Variants in TRHDE observed in about 807,000 individuals in gnomAD.
TRHDE encodes the protein thyrotropin-releasing hormone-degrading ectoenzyme.
A neutral mutation model predicts 125.7 loss-of-function variants in TRHDE; 72 were observed. The observed-to-expected ratio is 0.57, with a 90% CI of 0.47 to 0.70. The LOEUF (loss-of-function observed/expected upper bound fraction) is 0.70, where lower values mean the gene tolerates loss of function less well. Ranked by LOEUF, TRHDE falls within the 30% of genes least tolerant of loss-of-function variation. The probability of loss-of-function intolerance (pLI) is 0.00; values close to 1 mark genes in which losing one functional copy is unlikely to be tolerated. For missense variants in TRHDE, 1,110 were observed against 1,327.1 expected, an observed-to-expected ratio of 0.84 and a Z score of 2.54; for synonymous variants, 509 against 509.1, an observed-to-expected ratio of 1.00 and a Z score of 0.00.
At chr12:72,634,817 C>A (rs1246783487) in intron 15 of TRHDE, among the ~76,000 whole-genome samples, 29 of 151,708 alleles carry the variant, frequency 1.9e-4, no homozygotes, top group East Asian at 1.4e-3. Flanking sequence ...CATGTCCCTA[C>A]AAAGGACATG....
chr12:72,409,935 G>A (rs373070533), intron 3 of TRHDE, among the ~76,000 whole-genome samples: 17 of 152,012 alleles, frequency 1.1e-4, no homozygotes, highest in African/African-American at 3.6e-4. Flanking sequence ...GAATAGGGCA[G>A]CAATTAAAAT....
Position 72,469,753 on chromosome 12 carries a change from T to C in TRHDE, c.1316-5T>C. On this transcript the variant is annotated splice_polypyrimidine_tract_variant and splice_region_variant and intron_variant, in intron 3 of 18. Transcript: ENST00000261180. The stretch of plus-strand genomic sequence containing the variant: ...GCCTTTGGAACTGTTTTATTTTATT[T>C]CTAGATCTTTTAGCTGTGCCTAAGC... 2 of 1,613,378 alleles carry C rather than the reference T, an allele frequency of 1.2e-6. No individual in the cohort carries two copies. The highest frequency in any genetic ancestry group is 1.7e-6 in the Non-Finnish European group (2 of 1,179,792).
At chr12:72,560,348 C>T (rs901008305) in intron 7 of TRHDE, among the ~76,000 whole-genome samples, 2 of 152,140 alleles carry the variant, frequency 1.3e-5, no homozygotes, top group African/African-American at 4.8e-5. Flanking sequence ...GATACTAGGA[C>T]AAGGTCAACT....
intron 2 of TRHDE, among the ~76,000 whole-genome samples, chr12:72,346,437 T>C (rs1450705548): frequency 6.6e-6 from 1 of 151,672 alleles, no homozygotes; most frequent in African/African-American, 2.4e-5. Flanking sequence ...TTTGCCAACA[T>C]AGAGCTGTTG....
intron 2 of TRHDE, among the ~76,000 whole-genome samples, chr12:72,216,944 T>C (rs1421900127): frequency 6.8e-6 from 1 of 147,884 alleles, no homozygotes; most frequent in East Asian, 2.0e-4. Context: ...ATTTTGTGTC[T>C]GAATGGATTT....
intron 2 of TRHDE, 54 bp downstream of exon 2, chr12:72,287,008 A>C (rs779335801): frequency 9.0e-6 from 14 of 1,556,756 alleles, no homozygotes; most frequent in Non-Finnish European, 1.1e-5. Flanking sequence ...CTGTAAAGTA[A>C]CCTGATTTCT....
At chr12:72,226,853 TA>T (rs1207862133) in intron 2 of TRHDE, among the ~76,000 whole-genome samples, 7 of 152,176 alleles carry the variant, frequency 4.6e-5, no homozygotes, top group Non-Finnish European at 7.4e-5. Flanking sequence ...AGAGGATAAT[TA>T]GCTGAAAAGA....
intron 2 of TRHDE, among the ~76,000 whole-genome samples, chr12:72,147,220 G>A (rs1229119974): frequency 6.6e-6 from 1 of 151,938 alleles, no homozygotes; most frequent in Non-Finnish European, 1.5e-5. Flanking sequence ...GAGGGTGGGG[G>A]GCCTTTGCTG....
intron 12 of TRHDE, among the ~76,000 whole-genome samples, chr12:72,609,018 T>C (rs1872547968): frequency 6.6e-6 from 1 of 152,170 alleles, no homozygotes; most frequent in Admixed American, 6.5e-5. Context: ...TTTAGTCACA[T>C]AGTGTATGCA....
intron 2 of TRHDE, among the ~76,000 whole-genome samples, chr12:72,194,900 C>T (rs1284386444): frequency 1.3e-5 from 2 of 152,010 alleles, no homozygotes; most frequent in Non-Finnish European, 2.9e-5. Flanking sequence ...AATGGCATTA[C>T]TAGGTGTATT....
chr12:72,296,862 T>C (rs1253389887), intron 2 of TRHDE, among the ~76,000 whole-genome samples: 3 of 152,202 alleles, frequency 2.0e-5, no homozygotes, highest in Non-Finnish European at 4.4e-5. Context: ...GATGTAGTGA[T>C]TGTAGACTGT....
intron 5 of TRHDE, among the ~76,000 whole-genome samples, chr12:72,496,005 G>C (rs1355315826): frequency 6.6e-6 from 1 of 152,164 alleles, no homozygotes; most frequent in African/African-American, 2.4e-5. Flanking sequence ...TATGGTTACT[G>C]TTGACATTGA....
At chr12:72,151,196 T>C (rs1172307493) in intron 2 of TRHDE, among the ~76,000 whole-genome samples, 1 of 152,234 alleles carries the variant, frequency 6.6e-6, no homozygotes, top group Non-Finnish European at 1.5e-5. Flanking sequence ...ATAAATGTCT[T>C]CTTTTGAGAA....
intron 3 of TRHDE, among the ~76,000 whole-genome samples, chr12:72,439,724 G>T (rs1874912030): frequency 6.6e-6 from 1 of 151,646 alleles, no homozygotes; most frequent in Non-Finnish European, 1.5e-5. Flanking sequence ...TTCCTATTTA[G>T]ATGCATTTTC....
intron 2 of TRHDE, among the ~76,000 whole-genome samples, chr12:72,350,353 T>C (rs1312123964): frequency 1.3e-5 from 2 of 152,020 alleles, no homozygotes; most frequent in Non-Finnish European, 2.9e-5. Context: ...ATGGCGATGA[T>C]AGCTCCCACA....
chr12:72,649,478 A>G (rs917287391), intron 15 of TRHDE, among the ~76,000 whole-genome samples: 2 of 152,076 alleles, frequency 1.3e-5, no homozygotes, highest in African/African-American at 4.8e-5. Flanking sequence ...ACTTCATGAC[A>G]TTGGTCTTGG....
intron 2 of TRHDE, among the ~76,000 whole-genome samples, chr12:72,162,491 C>A (rs1448327032): frequency 4.6e-5 from 7 of 152,172 alleles, no homozygotes; most frequent in Admixed American, 1.3e-4. Context: ...TATTATCTTC[C>A]TGCATTGGCG....
chr12:72,593,658 C>T (rs1871791224), intron 12 of TRHDE, among the ~76,000 whole-genome samples: 1 of 152,034 alleles, frequency 6.6e-6, no homozygotes, highest in Non-Finnish European at 1.5e-5. Context: ...AATGCTATCC[C>T]TCCCCCCTCC....
intron 2 of TRHDE, among the ~76,000 whole-genome samples, chr12:72,336,280 A>G (rs1409976214): frequency 6.6e-6 from 1 of 152,154 alleles, no homozygotes; most frequent in Non-Finnish European, 1.5e-5. Flanking sequence ...AAAATCTTAG[A>G]CCCACAAAAG....
Sources: allele counts gnomAD v4.1 joint callset (sites outside exome capture counted in the v4.1 genomes callset), GRCh38; gene constraint gnomAD v4.1.1; transcripts MANE v1.5; gene names NCBI Gene and HGNC (gene_info 2026-07-23, HGNC 2026-07-21).